The following TNS1 variants were observed in gnomAD, a reference collection of about 807,000 sequenced individuals.
The protein encoded by TNS1 is tensin-1.
Under a neutral mutation model 168.6 loss-of-function variants are expected in TNS1, and 62 were observed. The observed-to-expected ratio is 0.37, with a 90% confidence interval of 0.30 to 0.45. TNS1 has a LOEUF of 0.45. TNS1 is among the 20% of genes least tolerant of loss of function. The pLI, the probability that TNS1 is intolerant of heterozygous loss-of-function variation, is 1.00. For synonymous variants in TNS1, 934 were observed against 933.2 expected (o/e 1.00, Z -0.02); for missense variants, 2,240 against 2,339.4 (o/e 0.96, Z 0.88).
intron 19 of TNS1, among the ~76,000 whole-genome samples, chr2:217,839,154 C>T (rs1945589640): frequency 6.6e-6 from 1 of 152,120 alleles, no homozygotes. Context: ...GGGTCACCCT[C>T]AGAACCTCTA....
chr2:218,027,662 T>C (rs534218679), intron 1 of TNS1, among the ~76,000 whole-genome samples: 6 of 151,394 alleles, frequency 4.0e-5, no homozygotes, highest in Non-Finnish European at 7.4e-5. Context: ...CCAGAAGAGG[T>C]TGGGGTAGAG....
chr2:217,890,675 C>A, intron 12 of TNS1: 1 of 486,986 alleles, frequency 2.1e-6, no homozygotes, highest in South Asian at 2.4e-5. Flanking sequence ...CCTAGACCAG[C>A]GCCTTCTTAT....
intron 9 of TNS1, among the ~76,000 whole-genome samples, chr2:217,894,495 A>G (rs2125716562): frequency 6.6e-6 from 1 of 152,274 alleles, no homozygotes; most frequent in South Asian, 2.1e-4. Context: ...CATCTCTACT[A>G]AAAATACAAA....
chr2:217,933,248 AC>A (rs1278302520), intron 3 of TNS1, among the ~76,000 whole-genome samples: 1 of 152,178 alleles, frequency 6.6e-6, no homozygotes, highest in Non-Finnish European at 1.5e-5. Flanking sequence ...AGGAGGGCAA[AC>A]GGAGGGGCGG....
chr2:217,803,558 AG>A lies in TNS1; in HGVS notation c.*900del, dbSNP rs1471755359. On this transcript the variant is annotated 3_prime_UTR_variant, in exon 33 of 33. Transcript: ENST00000682258. ...ACATATCTCTACCTCCTCAAACCAA[AG>A]CTCCAGGCTTCTGGCCAAGGCAGGA... The A allele has an allele frequency of 6.6e-6, 1 of 152,568 alleles. No individual in the cohort carries two copies. Among genetic ancestry groups the A allele is most frequent in the East Asian group, 1.9e-4 (1 of 5,178 alleles). The allele number at this position is 152,568 out of a possible 1,614,324, so 9.5% of individuals were successfully genotyped here.
chr2:217,960,923 G>T (rs1481597046), intron 3 of TNS1, among the ~76,000 whole-genome samples: 1 of 152,120 alleles, frequency 6.6e-6, no homozygotes, highest in Non-Finnish European at 1.5e-5. Context: ...CTGAGCCTCA[G>T]TTTCTCCTCG....
intron 3 of TNS1, among the ~76,000 whole-genome samples, chr2:217,969,215 T>G (rs1298217524): frequency 1.3e-5 from 2 of 152,182 alleles, no homozygotes; most frequent in Non-Finnish European, 2.9e-5. Flanking sequence ...CCAAGATCAT[T>G]CAGTGGGGAA....
intron 19 of TNS1, among the ~76,000 whole-genome samples, chr2:217,844,553 C>A (rs1559217420): frequency 2.0e-5 from 3 of 152,200 alleles, no homozygotes. Context: ...ACTGTGAACC[C>A]TCTCTGCCCA....
intron 2 of TNS1, among the ~76,000 whole-genome samples, chr2:217,989,483 T>A (rs1958294845): frequency 6.6e-6 from 1 of 150,482 alleles, no homozygotes; most frequent in African/African-American, 2.4e-5. Context: ...GACGTGGGGG[T>A]GAAGGAGAGG....
Position 217,880,765 on chromosome 2 carries a change from GGA to G in TNS1, c.1429+131_1429+132del. The G allele has an allele frequency of 1.4e-6, 1 of 694,672 alleles. No homozygotes were observed. The highest frequency in any genetic ancestry group is 1.7e-5 in the South Asian group (1 of 58,364). The allele number at this position is 694,672 out of a possible 1,614,324, so 43.0% of individuals were successfully genotyped here. ...TTCCCCCAGTTAACGGTGAGCTCTC[GGA>G]GGTACCTCACACTTCCCCTCTGCCT... On this transcript the variant is annotated intron_variant, in intron 18 of 32. Coordinates refer to ENST00000682258, the MANE Select transcript of TNS1 (RefSeq NM_001387777.1). This position sits in a 1 kb window ranked among gnomAD's most constrained non-coding sequence, Gnocchi z 4.2.
At chr2:217,853,368 A>C (rs1262585794) in intron 18 of TNS1, among the ~76,000 whole-genome samples, 1 of 152,156 alleles carries the variant, frequency 6.6e-6, no homozygotes, top group Non-Finnish European at 1.5e-5. Context: ...GTTCAGGGGA[A>C]TGCATCTCAG....
chr2:217,841,858 T>G (rs1044680646), intron 19 of TNS1, among the ~76,000 whole-genome samples: 1 of 152,204 alleles, frequency 6.6e-6, no homozygotes, highest in Non-Finnish European at 1.5e-5. Context: ...CTTGTGCTTT[T>G]CTGCTCTGGC....
chr2:217,831,635 G>C, intron 21 of TNS1, 88 bp from the exon 22 acceptor site: 1 of 1,057,314 alleles, frequency 9.5e-7, no homozygotes, highest in Non-Finnish European at 1.3e-6. Context: ...CGCTTAGTGA[G>C]GGCTGGGGGG....
At chr2:217,889,928 C>A (rs1217289361) in intron 12 of TNS1, among the ~76,000 whole-genome samples, 1 of 152,216 alleles carries the variant, frequency 6.6e-6, no homozygotes, top group African/African-American at 2.4e-5. Flanking sequence ...CCTGATGCTG[C>A]CTGTGCCTTC....
At position 217,831,471 on chromosome 2, in the gene TNS1, C is replaced by A. The variant is rs560985899; in HGVS notation, c.3357G>T (p.Leu1119=). 1.9e-6 allele frequency: 3 copies of A among 1,589,986 alleles called. No individual in the cohort carries two copies. In the East Asian group the frequency reaches 7.1e-5, roughly 38 times the overall value. Residue 1119 remains leucine (L), a synonymous_variant, in exon 22 of 33, where the codon CTG becomes CTT. Transcript: ENST00000682258. ...CCAACTCACCTCCTGTGGGGTGCAACAGGATGTCCGCTGGGTTGTGAGGTT... is the reference window on the plus strand; with the variant it reads ...CCAACTCACCTCCTGTGGGGTGCAAAAGGATGTCCGCTGGGTTGTGAGGTT... The part of the protein sequence containing the change: ...GLKPHNPADI[L]LHPTGEPRSY...
chr2:217,852,433 T>G (rs892862448), intron 18 of TNS1, among the ~76,000 whole-genome samples: 4 of 152,218 alleles, frequency 2.6e-5, no homozygotes, highest in African/African-American at 7.2e-5. Flanking sequence ...CCCACGTTCA[T>G]GCTCATGTGG....
At position 217,880,858 on chromosome 2, in the gene TNS1, C is replaced by A. The variant is rs1162227832; in HGVS notation, c.1429+40G>T. Reference sequence around the variant, plus strand: ...CAAGGTCATGTGAGCAGAGGCTGTGCAGTTTGGATAGGGGCTGGGAGCCAC... The same window carrying A: ...CAAGGTCATGTGAGCAGAGGCTGTGAAGTTTGGATAGGGGCTGGGAGCCAC... On this transcript the variant is annotated intron_variant, in intron 18 of 32. Transcript: ENST00000682258. The surrounding 1 kb of genome is among the most constrained non-coding windows in gnomAD (Gnocchi z 4.2). 1.4e-6 allele frequency: 2 copies of A among 1,442,310 alleles called. No homozygotes were observed. The highest frequency in any genetic ancestry group is 2.0e-6 in the Non-Finnish European group (2 of 1,023,594). The allele number at this position is 1,442,310 out of a possible 1,614,324, so 89.3% of individuals were successfully genotyped here. A position where few individuals can be genotyped will look rare whatever the true frequency, so the allele number is the denominator to read the frequency against.
chr2:217,827,191 ACAGT>A (rs370599661), intron 22 of TNS1, among the ~76,000 whole-genome samples: 47 of 152,270 alleles, frequency 3.1e-4, no homozygotes, highest in African/African-American at 1.1e-3. Flanking sequence ...AGCCTGGCAA[ACAGT>A]CAGCGCACAA....
chr2:217,902,744 T>G (rs1210346176), intron 6 of TNS1, among the ~76,000 whole-genome samples: 2 of 151,700 alleles, frequency 1.3e-5, no homozygotes, highest in African/African-American at 4.8e-5. Flanking sequence ...AGGGGAGGCA[T>G]GGGGAGGAAG....
Sources: gnomAD v4.1 joint callset for allele counts (sites outside exome capture counted in the v4.1 genomes callset) on GRCh38, gnomAD v4.1.1 for gene constraint, Gnocchi (gnomAD v3.1) non-coding constraint, MANE v1.5 for transcripts, NCBI Gene and HGNC (gene_info 2026-07-23, HGNC 2026-07-21) for gene names.